IGSF9B: variants seen among roughly 807,000 people sequenced by gnomAD.
IGSF9B encodes immunoglobulin superfamily member 9B, also known as protein turtle homolog B.
IGSF9B carries 48 observed loss-of-function variants against 143.7 expected under a neutral mutation model. The observed-to-expected ratio is 0.33, with a 90% CI of 0.26 to 0.42. The LOEUF is 0.42. Among genes scored for constraint, IGSF9B ranks in the 20% least tolerant of loss-of-function variants. IGSF9B has a pLI of 1.00. For missense variants in IGSF9B, 1,706 were observed against 1,980.0 expected, an observed-to-expected ratio of 0.86 and a Z score of 2.63; for synonymous variants, 903 against 833.1, an observed-to-expected ratio of 1.08 and a Z score of -1.44.
Position 133,909,227 on chromosome 11 carries a change from G to A in IGSF9B, c.4156C>T (p.Pro1386Ser). ...QQLPNSQVLW[P>S]DEAVCLRKKK... ...TTTCGGAGGCAGACAGCTTCATCGG[G>A]CCACAGAACCTGAGAGTTGGGAAGC... is the stretch of plus-strand genomic sequence containing the variant. Residue 1386 changes from proline (P) to serine (S), a missense_variant, in exon 20 of 20, where the codon CCC (proline) becomes TCC (serine). Physicochemically the swap from Pro to Ser is moderately conservative, Grantham distance 74. Coordinates refer to ENST00000533871, the MANE Select transcript of IGSF9B (RefSeq NM_001277285.4). The surrounding 1 kb of genome is among the most constrained non-coding windows in gnomAD (Gnocchi z 4.2). The A allele has an allele frequency of 6.5e-7, 1 of 1,535,908 alleles. No individual in the cohort carries two copies. The highest frequency in any genetic ancestry group is 1.2e-5 in the South Asian group (1 of 84,052).
rs1194783915 is a variant in IGSF9B, at chr11:133,921,413, A to G, written c.2328-16T>C. Reference sequence around the variant, plus strand: ...AGAGGACAAGCTGCAAGGAGGAGCAAGAGCCGGGAGGGGATGAGGTGGGGC... The same window carrying G: ...AGAGGACAAGCTGCAAGGAGGAGCAGGAGCCGGGAGGGGATGAGGTGGGGC... On this transcript the variant is annotated splice_polypyrimidine_tract_variant and intron_variant, in intron 17 of 19. Transcript: ENST00000533871. 1 of 1,477,832 alleles carries G rather than the reference A, an allele frequency of 6.8e-7. No individual in the cohort carries two copies. Among genetic ancestry groups the G allele is most frequent in the Non-Finnish European group, 9.0e-7 (1 of 1,116,566 alleles). The allele number at this position is 1,477,832 out of a possible 1,614,324, so 91.5% of individuals were successfully genotyped here.
rs1312208156 is a variant in IGSF9B, at chr11:133,903,428, T to C, written c.*5641A>G. ...ACCAGCTCTCGTCCGAAACCCTAAC[T>C]ACTACTACTGTCTTCTACACCGCAG... is the stretch of plus-strand genomic sequence containing the variant. On this transcript the variant is annotated 3_prime_UTR_variant, in exon 20 of 20. Coordinates refer to ENST00000533871, the MANE Select transcript of IGSF9B (RefSeq NM_001277285.4). Among the ~76,000 whole-genome samples the C allele has an allele frequency of 6.6e-6, 1 of 152,102 alleles. No individual in the cohort carries two copies. Among genetic ancestry groups the C allele is most frequent in the Non-Finnish European group, 1.5e-5 (1 of 68,022 alleles).
At chr11:133,911,845 C>T in intron 19 of IGSF9B, 41 bp downstream of exon 19, 1 of 1,470,554 alleles carries the variant, frequency 6.8e-7, no homozygotes, top group Non-Finnish European at 8.9e-7. Context: ...AACGGCAAGG[C>T]AAGGTGGGAG....
Position 133,945,159 on chromosome 11 carries a change from C to G in IGSF9B, c.263-793G>C, listed in dbSNP as rs537717766. On this transcript the variant is annotated intron_variant, in intron 2 of 19. Coordinates refer to ENST00000533871, the MANE Select transcript of IGSF9B (RefSeq NM_001277285.4). The surrounding 1 kb of genome is among the most constrained non-coding windows in gnomAD (Gnocchi z 4.6). ...ATGACGCCAGCAGGGTGGAGCAGCC[C>G]TCGAGGTCGGCCCACCTCACCCGCT... is the stretch of plus-strand genomic sequence containing the variant. Among the ~76,000 whole-genome samples the G allele has an allele frequency of 1.7e-4, 26 of 152,314 alleles. No homozygotes were observed. Among genetic ancestry groups the G allele is most frequent in the African/African-American group, 5.3e-4 (22 of 41,570 alleles).
intron 7 of IGSF9B, among the ~76,000 whole-genome samples, chr11:133,934,462 T>C (rs1220763642): frequency 5.9e-5 from 9 of 152,234 alleles, no homozygotes; most frequent in Admixed American, 5.2e-4. Flanking sequence ...TTTTTCCCGC[T>C]GCAGGTCTGG....
chr11:133,955,838 G>A (rs1318015262), intron 1 of IGSF9B, among the ~76,000 whole-genome samples: 2 of 152,086 alleles, frequency 1.3e-5, no homozygotes, highest in Non-Finnish European at 2.9e-5. Flanking sequence ...CAGGAAAGCG[G>A]AAAGAGAAAA....
chr11:133,911,190 C>T (rs1939295918), intron 19 of IGSF9B, among the ~76,000 whole-genome samples: 2 of 152,246 alleles, frequency 1.3e-5, no homozygotes, highest in African/African-American at 4.8e-5. Context: ...GGGTTTTTAA[C>T]AAATATTAAA....
intron 18 of IGSF9B, among the ~76,000 whole-genome samples, chr11:133,916,272 A>G (rs562898950): frequency 1.3e-5 from 2 of 152,310 alleles, no homozygotes; most frequent in African/African-American, 4.8e-5. Context: ...GGAGAAAAAA[A>G]GGGAGAGAGA....
Position 133,946,265 on chromosome 11 carries a change from G to A in IGSF9B, c.65-7C>T, listed in dbSNP as rs1360155980. ...TCTCGCAGGCCGTGGGCGCCTGATG[G>A]GGACGGCCAGGTTGGACACAGAAAG... On this transcript the variant is annotated splice_polypyrimidine_tract_variant and splice_region_variant and intron_variant, in intron 1 of 19. Coordinates refer to ENST00000533871, the MANE Select transcript of IGSF9B (RefSeq NM_001277285.4). 3 of 1,611,682 alleles carry A rather than the reference G, an allele frequency of 1.9e-6. No individual in the cohort carries two copies. Among genetic ancestry groups the A allele is most frequent in the Non-Finnish European group, 1.7e-6 (2 of 1,179,072 alleles).
intron 5 of IGSF9B, 102 bp from the exon 6 acceptor site, chr11:133,936,296 A>C: frequency 9.8e-7 from 1 of 1,022,184 alleles, no homozygotes; most frequent in East Asian, 2.6e-5. Flanking sequence ...GGTGCCCTGA[A>C]CACTGCGATG....
rs1429955457 is a variant in IGSF9B at position 133,948,512 on chromosome 11, G to C, written c.65-2254C>G. 6.6e-6 allele frequency among the ~76,000 whole-genome samples: 1 copy of C among 152,006 alleles called. No homozygotes were observed. Among genetic ancestry groups the C allele is most frequent in the Non-Finnish European group, 1.5e-5 (1 of 68,000 alleles). On this transcript the variant is annotated intron_variant, in intron 1 of 19. Transcript: ENST00000533871. This position sits in a 1 kb window ranked among gnomAD's most constrained non-coding sequence, Gnocchi z 4.7. ...AGCCTCACCTCCCCCACAGCCCCAGGGGCCCTCAGCAGGAGAGGCTGCCTC... is the reference window on the plus strand; with the variant it reads ...AGCCTCACCTCCCCCACAGCCCCAGCGGCCCTCAGCAGGAGAGGCTGCCTC...
intron 7 of IGSF9B, 145 bp from the exon 8 acceptor site, chr11:133,932,358 G>GGACA (rs147509323): frequency 6.0e-6 from 5 of 837,230 alleles, no homozygotes; most frequent in African/African-American, 1.7e-5. Flanking sequence ...ACAGACACAG[G>GGACA]GACAGACAGA....
At chr11:133,952,867 G>C (rs1210266261) in intron 1 of IGSF9B, among the ~76,000 whole-genome samples, 1 of 152,250 alleles carries the variant, frequency 6.6e-6, no homozygotes, top group East Asian at 1.9e-4. Context: ...TGACCATTCA[G>C]ATCCACTCTT....
rs148572006 is a variant in IGSF9B at position 133,922,772 on chromosome 11, C to A, written c.2120-42G>T. ...GAGCACTCATGAGCCCATCCTTCCC[C>A]GGGACCTCACCTGCTCCGACCTTCA... On this transcript the variant is annotated intron_variant, in intron 15 of 19. Transcript: ENST00000533871. The A allele has an allele frequency of 1.8e-5, 27 of 1,513,474 alleles. 1 individual carries two copies. The East Asian group carries it at 5.2e-4, about 29-fold the overall frequency. 93.8% of individuals were successfully genotyped at this position (1,513,474 alleles called of 1,614,324 possible). A position where few individuals can be genotyped will look rare whatever the true frequency, so the allele number is the denominator to read the frequency against.
intron 14 of IGSF9B, 111 bp from the exon 15 acceptor site, chr11:133,925,015 A>C: frequency 1.2e-6 from 1 of 830,666 alleles, no homozygotes. Flanking sequence ...CCCAAAGCAC[A>C]GGAGGACTGC....
At chr11:133,947,155 C>A (rs915394321) in intron 1 of IGSF9B, among the ~76,000 whole-genome samples, 1 of 152,286 alleles carries the variant, frequency 6.6e-6, no homozygotes, top group Admixed American at 6.5e-5. Flanking sequence ...TGCCTCCACC[C>A]CACCACAAGC....
chr11:133,934,230 A>AG (rs1169630144), intron 7 of IGSF9B, among the ~76,000 whole-genome samples: 1 of 152,152 alleles, frequency 6.6e-6, no homozygotes, highest in Non-Finnish European at 1.5e-5. Context: ...GGCTTCGAGG[A>AG]GGGGCCTTCA....
chr11:133,952,662 G>A (rs1940182249), intron 1 of IGSF9B, among the ~76,000 whole-genome samples: 1 of 152,146 alleles, frequency 6.6e-6, no homozygotes, highest in Non-Finnish European at 1.5e-5. Context: ...ACACATACAG[G>A]TGTGCACACA....
At chr11:133,939,858 CA>C (rs1939894228) in intron 3 of IGSF9B, among the ~76,000 whole-genome samples, 1 of 147,740 alleles carries the variant, frequency 6.8e-6, no homozygotes, top group Non-Finnish European at 1.5e-5. Context: ...CACGCACAAA[CA>C]CACACCTCGC....
Sources: allele counts gnomAD v4.1 joint callset (sites outside exome capture counted in the v4.1 genomes callset), GRCh38; gene constraint gnomAD v4.1.1; non-coding constraint Gnocchi (gnomAD v3.1); transcripts MANE v1.5; gene names NCBI Gene and HGNC (gene_info 2026-07-23, HGNC 2026-07-21).